Variants in TMCC1 observed in about 807,000 individuals in gnomAD.
The protein encoded by TMCC1 is transmembrane and coiled-coil domain family 1.
Under a neutral mutation model 52.4 loss-of-function variants are expected in TMCC1, and 15 were observed. The ratio of observed to expected loss-of-function variants is 0.29; its 90% CI spans 0.19 to 0.44. The LOEUF is 0.44. Ranked by LOEUF, TMCC1 falls within the 20% of genes least tolerant of loss-of-function variation. The pLI, the probability that TMCC1 is intolerant of heterozygous loss-of-function variation, is 1.00. For missense variants in TMCC1, 503 were observed against 806.0 expected, an observed-to-expected ratio of 0.62 and a Z score of 4.55; for synonymous variants, 279 against 301.9, an observed-to-expected ratio of 0.92 and a Z score of 0.79.
intron 4 of TMCC1, among the ~76,000 whole-genome samples, chr3:129,698,393 G>C (rs560477662): frequency 6.6e-6 from 1 of 152,250 alleles, no homozygotes; most frequent in East Asian, 1.9e-4. Context: ...TGGGTCCCAC[G>C]ACACATGGGG....
chr3:129,842,555 A>G (rs1167905033), intron 2 of TMCC1, among the ~76,000 whole-genome samples: 4 of 152,040 alleles, frequency 2.6e-5, no homozygotes, highest in Non-Finnish European at 5.9e-5. Context: ...ACCTAATTTG[A>G]CCTGAGTGAC....
chr3:129,761,327 CAAAAAA>C (rs59160769), intron 4 of TMCC1, among the ~76,000 whole-genome samples: 2 of 61,226 alleles, frequency 3.3e-5, no homozygotes, highest in Non-Finnish European at 6.4e-5. Context: ...GACTCCGTCT[CAAAAAA>C]AAAAAAAAAA....
intron 4 of TMCC1, among the ~76,000 whole-genome samples, chr3:129,755,601 G>A (rs981787318): frequency 2.0e-5 from 3 of 152,100 alleles, no homozygotes; most frequent in Admixed American, 1.3e-4. Context: ...AAGACACTTC[G>A]TCATAGTAGA....
chr3:129,669,214 A>G (rs957227106), intron 5 of TMCC1, among the ~76,000 whole-genome samples: 1 of 152,206 alleles, frequency 6.6e-6, no homozygotes, highest in South Asian at 2.1e-4. Context: ...TTAAAAACAC[A>G]TTTTTAAAAG....
At chr3:129,846,195 T>C (rs1356084420) in intron 2 of TMCC1, among the ~76,000 whole-genome samples, 1 of 152,104 alleles carries the variant, frequency 6.6e-6, no homozygotes, top group African/African-American at 2.4e-5. Flanking sequence ...GACTCACTAC[T>C]GTAATCCCAG....
intron 4 of TMCC1, among the ~76,000 whole-genome samples, chr3:129,737,581 C>T (rs2051086980): frequency 1.3e-5 from 2 of 152,124 alleles, no homozygotes; most frequent in African/African-American, 2.4e-5. Context: ...AGGCCTTCAC[C>T]AGACACCAAA....
At chr3:129,770,676 TG>T (rs1465993864) in intron 4 of TMCC1, among the ~76,000 whole-genome samples, 7 of 152,062 alleles carry the variant, frequency 4.6e-5, no homozygotes, top group Non-Finnish European at 1.0e-4. Context: ...GATTAGCACT[TG>T]GAAGACTACA....
chr3:129,781,614 C>T (rs1016490680), intron 4 of TMCC1, among the ~76,000 whole-genome samples: 2 of 152,016 alleles, frequency 1.3e-5, no homozygotes, highest in Non-Finnish European at 2.9e-5. Context: ...GCAAGGGGGC[C>T]AGTGTGGCTA....
chr3:129,853,690 A>G (rs1034353614), intron 2 of TMCC1, among the ~76,000 whole-genome samples: 2 of 152,026 alleles, frequency 1.3e-5, no homozygotes, highest in Non-Finnish European at 1.5e-5. Context: ...ATAAGAGGAT[A>G]TATCTAAATC....
chr3:129,875,182 A>G (rs1316637507), intron 2 of TMCC1, among the ~76,000 whole-genome samples: 2 of 150,386 alleles, frequency 1.3e-5, no homozygotes, highest in Admixed American at 6.7e-5. Flanking sequence ...GCAAGATTCC[A>G]TTGCTATTTA....
intron 4 of TMCC1, among the ~76,000 whole-genome samples, chr3:129,774,478 A>C (rs1475132092): frequency 1.3e-5 from 2 of 152,240 alleles, no homozygotes; most frequent in Non-Finnish European, 2.9e-5. Flanking sequence ...GTGAACATGG[A>C]AGATACTGTC....
intron 4 of TMCC1, among the ~76,000 whole-genome samples, chr3:129,705,361 T>C (rs2048144719): frequency 6.6e-6 from 1 of 152,154 alleles, no homozygotes; most frequent in Admixed American, 6.5e-5. Flanking sequence ...TTCTCTTATA[T>C]TTCCAAAACC....
chr3:129,795,152 C>A (rs562554611), intron 4 of TMCC1, among the ~76,000 whole-genome samples: 74 of 152,276 alleles, frequency 4.9e-4, no homozygotes, highest in African/African-American at 1.7e-3. Context: ...ATTAAAGTGG[C>A]CTCCTGAGGT....
chr3:129,879,891 C>T (rs1357536152), intron 2 of TMCC1, among the ~76,000 whole-genome samples: 1 of 152,158 alleles, frequency 6.6e-6, no homozygotes, highest in Admixed American at 6.6e-5. Context: ...ATGCAAGCTA[C>T]AGCTGGGCAC....
At chr3:129,783,045 T>C (rs1306501408) in intron 4 of TMCC1, among the ~76,000 whole-genome samples, 1 of 152,196 alleles carries the variant, frequency 6.6e-6, no homozygotes, top group Non-Finnish European at 1.5e-5. Context: ...TCACAAAATA[T>C]AAATTCAAAA....
chr3:129,893,176 C>T (rs565059744), intron 1 of TMCC1: 2 of 152,414 alleles, frequency 1.3e-5, no homozygotes, highest in East Asian at 3.9e-4. Context: ...CACGCCCCTC[C>T]CTCACCTCGG....
chr3:129,679,419 C>T (rs1012987425), intron 4 of TMCC1, among the ~76,000 whole-genome samples: 3 of 152,150 alleles, frequency 2.0e-5, no homozygotes, highest in Non-Finnish European at 4.4e-5. Context: ...GATTCTTCTG[C>T]CTCAGCCTTC....
chr3:129,655,200 A>C, intron 5 of TMCC1, 97 bp from the exon 6 acceptor site: 1 of 1,429,962 alleles, frequency 7.0e-7, no homozygotes, highest in Non-Finnish European at 9.4e-7. Flanking sequence ...CTACAAAGGA[A>C]TAGAAGCACA....
intron 4 of TMCC1, among the ~76,000 whole-genome samples, chr3:129,811,811 G>A (rs2057825120): frequency 6.6e-6 from 1 of 151,804 alleles, no homozygotes; most frequent in African/African-American, 2.4e-5. Context: ...GGGCGTGGTG[G>A]CATGCGCCTG....
Sources: gnomAD v4.1 joint callset for allele counts (sites outside exome capture counted in the v4.1 genomes callset) on GRCh38, gnomAD v4.1.1 for gene constraint, MANE v1.5 for transcripts, NCBI Gene and HGNC (gene_info 2026-07-23, HGNC 2026-07-21) for gene names.